The following GOLGA4 variants were observed in gnomAD, a reference collection of about 807,000 sequenced individuals.
GOLGA4 encodes the protein golgin A4, also known as golgin subfamily A member 4.
In GOLGA4, 169 loss-of-function variants were observed where a neutral mutation model predicts 265.9. The observed-to-expected ratio is 0.64, with a 90% CI of 0.56 to 0.72. The LOEUF (loss-of-function observed/expected upper bound fraction) is 0.72. GOLGA4 is among the 30% of genes least tolerant of loss of function. GOLGA4 has a pLI of 0.00. For missense variants in GOLGA4, 2,482 were observed against 2,483.4 expected, an observed-to-expected ratio of 1.00 and a Z score of 0.01; for synonymous variants, 923 against 855.8, an observed-to-expected ratio of 1.08 and a Z score of -1.37.
chr3:37,310,731 G>T (rs2096920738), intron 10 of GOLGA4, among the ~76,000 whole-genome samples: 1 of 151,550 alleles, frequency 6.6e-6, no homozygotes, highest in Non-Finnish European at 1.5e-5. Context: ...GTGTGTGTGT[G>T]TGTGTTTTTT....
chr3:37,269,105 C>G (rs1451506080), intron 2 of GOLGA4, among the ~76,000 whole-genome samples: 1 of 152,196 alleles, frequency 6.6e-6, no homozygotes, highest in Non-Finnish European at 1.5e-5. Flanking sequence ...TAATTGAAGA[C>G]AAGTCTGTCA....
chr3:37,361,306 G>C lies in GOLGA4; in HGVS notation c.*33+1G>C. The C allele has an allele frequency of 1.2e-6, 2 of 1,605,144 alleles. No individual in the cohort carries two copies. Among genetic ancestry groups the C allele is most frequent in the Non-Finnish European group, 1.7e-6 (2 of 1,171,996 alleles). On this transcript the variant is annotated splice_donor_variant, in intron 23 of 23. Transcript: ENST00000361924. LOFTEE classifies it low-confidence loss of function (3UTR_SPLICE). ...TCAGTCTGTGCTTAGTTAACATGTG[G>C]TGAGTGAAGAACAATGTCTTGTGTC...
rs34906290 is a variant in GOLGA4 at position 37,252,317 on chromosome 3, CT to C, written c.162+850del. 5.4e-3 allele frequency among the ~76,000 whole-genome samples: 752 copies of C among 138,180 alleles called. 1 individual carries two copies. Among genetic ancestry groups the C allele is most frequent in the East Asian group, 0.013 (60 of 4,642 alleles). 90.7% of individuals were successfully genotyped at this position (138,180 alleles called of 152,430 possible). On this transcript the variant is annotated intron_variant, in intron 2 of 23. Coordinates refer to ENST00000361924, the MANE Select transcript of GOLGA4 (RefSeq NM_002078.5). ...TGAATTTTTGGTATTTGCTTGCTTC[CT>C]TTTTTTTTTTTTTTTTAATAGTTTT...
intron 21 of GOLGA4, among the ~76,000 whole-genome samples, chr3:37,349,144 T>C (rs1267407131): frequency 4.6e-5 from 7 of 152,182 alleles, no homozygotes. Flanking sequence ...AGAAAATTGG[T>C]ACTAGGTATT....
At position 37,258,085 on chromosome 3, in the gene GOLGA4, GTA is replaced by G. The variant is rs781653755; in HGVS notation, c.162+6611_162+6612del. On this transcript the variant is annotated intron_variant, in intron 2 of 23. Coordinates refer to ENST00000361924, the MANE Select transcript of GOLGA4 (RefSeq NM_002078.5). The stretch of plus-strand genomic sequence containing the variant: ...TGTATATATGTATATATATATGTGT[GTA>G]TATATATATGCTCTGTATATATATA... Among the ~76,000 whole-genome samples, 27 of 127,266 alleles carry G rather than the reference GTA, an allele frequency of 2.1e-4. 1 individual carries two copies. The highest frequency in any genetic ancestry group is 5.0e-4 in the Admixed American group (6 of 12,120). The allele number at this position is 127,266 out of a possible 152,430, so 83.5% of individuals were successfully genotyped here.
At chr3:37,349,334 T>C (rs1220815575) in intron 21 of GOLGA4, among the ~76,000 whole-genome samples, 2 of 151,898 alleles carry the variant, frequency 1.3e-5, no homozygotes, top group African/African-American at 4.8e-5. Flanking sequence ...AGAAACAGAG[T>C]CCTCATATTT....
chr3:37,254,483 A>AGATTGTTTTAATTAATTAAAAAATT (rs1578351824), intron 2 of GOLGA4, among the ~76,000 whole-genome samples: 1 of 151,914 alleles, frequency 6.6e-6, no homozygotes, highest in Non-Finnish European at 1.5e-5. Flanking sequence ...TTTGTTTTAA[A>AGATTGTTTTAATTAATTAAAAAATT]GATTGTTTTA....
intron 17 of GOLGA4, 98 bp downstream of exon 17, chr3:37,335,264 T>G: frequency 1.5e-6 from 1 of 662,208 alleles, no homozygotes; most frequent in Non-Finnish European, 2.7e-6. Context: ...TTATCTCATT[T>G]AATCCTAATG....
rs370208168 is a variant in GOLGA4, at chr3:37,325,162, G to A, written c.3276G>A (p.Lys1092=). The A allele has an allele frequency of 1.4e-4, 231 of 1,613,564 alleles. No homozygotes were observed. Among genetic ancestry groups the A allele is most frequent in the Non-Finnish European group, 1.9e-4 (221 of 1,179,816 alleles). The stretch of plus-strand genomic sequence containing the variant: ...GGTGTGAAAAAGAAGAGATGAACAA[G>A]GAAATAACATGGCTGAAGGAAGAAG... The part of the protein sequence containing the change: ...LFGCEKEEMN[K]EITWLKEEGV... The change falls in exon 14 of 24, where the codon AAG becomes AAA. Residue 1092 remains lysine, a synonymous_variant. Transcript: ENST00000361924.
intron 10 of GOLGA4, among the ~76,000 whole-genome samples, chr3:37,306,167 C>G (rs1045560165): frequency 4.6e-5 from 7 of 152,098 alleles, no homozygotes; most frequent in Non-Finnish European, 8.8e-5. Context: ...AAATAGTCTC[C>G]TCTCTAGTAG....
chr3:37,255,185 A>G (rs907086606), intron 2 of GOLGA4, among the ~76,000 whole-genome samples: 3 of 151,644 alleles, frequency 2.0e-5, no homozygotes, highest in Non-Finnish European at 4.4e-5. Context: ...TTTTGAGGCA[A>G]AGTCTCACTC....
Position 37,243,588 on chromosome 3 carries a change from A to C in GOLGA4, c.38A>C (p.Gln13Pro). 1 of 1,613,966 alleles carries C rather than the reference A, an allele frequency of 6.2e-7. No individual in the cohort carries two copies. Among genetic ancestry groups the C allele is most frequent in the East Asian group, 2.2e-5 (1 of 44,884 alleles). The change falls in exon 1 of 24, where the codon CAG becomes CCG. Residue 13 changes from glutamine (Q) to proline (P), a missense_variant. Physicochemically the swap from Gln to Pro is moderately conservative, Grantham distance 76. This residue lies in a region of GOLGA4 where 1,536 missense variants were observed against 1,483.7 expected (regional missense o/e 1.04). Transcript: ENST00000361924. ...KKLKQKISEE[Q>P]QQLQQALAPA... The stretch of plus-strand genomic sequence containing the variant: ...CTGAAGCAAAAGATCAGCGAGGAGC[A>C]GCAGCAGCTCCAGCAGGCGCTGGCT...
chr3:37,259,584 G>C (rs1409578897), intron 2 of GOLGA4, among the ~76,000 whole-genome samples: 2 of 152,056 alleles, frequency 1.3e-5, no homozygotes, highest in East Asian at 3.9e-4. Flanking sequence ...TCTAGCTAAT[G>C]GTTTGTCAAT....
At position 37,337,133 on chromosome 3, in the gene GOLGA4, A is replaced by AT. The variant is rs778976551; in HGVS notation, c.6307-4dup. On this transcript the variant is annotated splice_polypyrimidine_tract_variant and intron_variant, in intron 17 of 23. Transcript: ENST00000361924. The stretch of plus-strand genomic sequence containing the variant: ...GTATACACTCATGTTTTTTCTTTCC[A>AT]TTTTTTCAGGTAACAATTATGGAGC... 202 of 1,426,380 alleles carry AT rather than the reference A, an allele frequency of 1.4e-4. No individual in the cohort carries two copies. The highest frequency in any genetic ancestry group is 1.1e-3 in the Admixed American group (63 of 55,586). The allele number at this position is 1,426,380 out of a possible 1,614,324, so 88.4% of individuals were successfully genotyped here.
intron 11 of GOLGA4, among the ~76,000 whole-genome samples, chr3:37,316,983 C>T (rs923771029): frequency 1.3e-5 from 2 of 151,888 alleles, no homozygotes; most frequent in African/African-American, 4.8e-5. Flanking sequence ...TTTGCTTTTC[C>T]ACTTAATAAT....
intron 23 of GOLGA4, among the ~76,000 whole-genome samples, chr3:37,364,198 C>T (rs969787647): frequency 6.6e-6 from 1 of 151,968 alleles, no homozygotes; most frequent in Non-Finnish European, 1.5e-5. Flanking sequence ...ATTTTAAACT[C>T]ATATCTTGAT....
chr3:37,340,195 CAAAG>C lies in GOLGA4; in HGVS notation c.6469_6472del (p.Lys2157ValfsTer29). On this transcript the variant is annotated frameshift_variant and splice_region_variant, in exon 20 of 24. Transcript: ENST00000361924. LOFTEE classifies it high-confidence loss of function. The stretch of plus-strand genomic sequence containing the variant: ...ATGCAACAACTGTGGGGACACCTTA[CAAAG>C]GTAAGGATGATCTCGTGTCATGTTA... 7.7e-7 allele frequency: 1 copy of C among 1,295,226 alleles called. No homozygotes were observed. The highest frequency in any genetic ancestry group is 1.1e-6 in the Non-Finnish European group (1 of 913,784). The allele number at this position is 1,295,226 out of a possible 1,614,324, so 80.2% of individuals were successfully genotyped here. A position where few individuals can be genotyped will look rare whatever the true frequency, so the allele number is the denominator to read the frequency against.
At chr3:37,343,363 C>T (rs191962982) in intron 20 of GOLGA4, among the ~76,000 whole-genome samples, 5 of 152,214 alleles carry the variant, frequency 3.3e-5, no homozygotes, top group Admixed American at 6.5e-5. Context: ...TCGGGTGATC[C>T]GCCTGCCTCG....
At chr3:37,283,906 G>A (rs1181467499) in intron 3 of GOLGA4, among the ~76,000 whole-genome samples, 2 of 152,180 alleles carry the variant, frequency 1.3e-5, no homozygotes, top group South Asian at 2.1e-4. Context: ...GTAGAAGAAG[G>A]ATTGGAGACT....
Sources: allele counts gnomAD v4.1 joint callset (sites outside exome capture counted in the v4.1 genomes callset), GRCh38; gene constraint gnomAD v4.1.1; regional missense constraint gnomAD v4.1.1; transcripts MANE v1.5; gene names NCBI Gene and HGNC (gene_info 2026-07-23, HGNC 2026-07-21).